Variants in TMEM132C observed in about 807,000 individuals in gnomAD.
TMEM132C encodes transmembrane protein 132C, also known as protein phosphatase 1, regulatory subunit 152.
TMEM132C carries 29 observed loss-of-function variants against 61.4 expected under a neutral mutation model. The ratio of observed to expected loss-of-function variants is 0.47; its 90% CI spans 0.35 to 0.64. TMEM132C has a LOEUF of 0.64. Ranked by LOEUF, TMEM132C falls within the 30% of genes least tolerant of loss-of-function variation. TMEM132C has a pLI of 0.00. For missense variants in TMEM132C, 1,408 were observed against 1,476.9 expected (o/e 0.95, Z 0.76); for synonymous variants, 656 against 633.1 (o/e 1.04, Z -0.54).
chr12:128,281,924 A>G (rs1030868740), intron 1 of TMEM132C, among the ~76,000 whole-genome samples: 4 of 152,182 alleles, frequency 2.6e-5, no homozygotes, highest in African/African-American at 9.7e-5. Flanking sequence ...CATTTCTTCC[A>G]TAAATAGTTC....
At chr12:128,667,998 C>G (rs1253069751) in intron 4 of TMEM132C, among the ~76,000 whole-genome samples, 3 of 152,196 alleles carry the variant, frequency 2.0e-5, no homozygotes, top group African/African-American at 7.2e-5. Flanking sequence ...AGGTGCCAAG[C>G]ACGGTGGCCC....
chr12:128,643,911 C>A (rs900516247), intron 4 of TMEM132C, among the ~76,000 whole-genome samples: 8 of 151,908 alleles, frequency 5.3e-5, no homozygotes, highest in African/African-American at 1.9e-4. Flanking sequence ...CAAAAAAAAG[C>A]AAGGTCTAAA....
chr12:128,308,764 C>CGG (rs1871871414), intron 1 of TMEM132C, among the ~76,000 whole-genome samples: 1 of 152,044 alleles, frequency 6.6e-6, no homozygotes, highest in Admixed American at 6.5e-5. Context: ...TGCACAAGGC[C>CGG]GGGGGTTTGC....
At chr12:128,597,075 C>A (rs182249690) in intron 3 of TMEM132C, among the ~76,000 whole-genome samples, 29 of 152,328 alleles carry the variant, frequency 1.9e-4, no homozygotes, top group African/African-American at 6.5e-4. Flanking sequence ...CCTCAATTTA[C>A]TTTTGCTTCT....
At position 128,381,564 on chromosome 12, in the gene TMEM132C, C is replaced by T. The variant is rs1317313008; in HGVS notation, c.86-33168C>T. On this transcript the variant is annotated intron_variant, in intron 1 of 8. Coordinates refer to ENST00000435159, the MANE Select transcript of TMEM132C (RefSeq NM_001136103.3). ...TATAACCGACCAGCAAACCTATGGA[C>T]GTGAGAGAGGAAGCCTGCTCAGTCC... Among the ~76,000 whole-genome samples, 7 of 152,222 alleles carry T rather than the reference C, an allele frequency of 4.6e-5. 1 individual carries two copies. The South Asian group carries it at 1.0e-3, about 23-fold the overall frequency.
intron 1 of TMEM132C, among the ~76,000 whole-genome samples, chr12:128,317,538 A>C (rs1297890395): frequency 6.6e-6 from 1 of 152,222 alleles, no homozygotes; most frequent in Non-Finnish European, 1.5e-5. Context: ...TTCCTTTTAC[A>C]TAATTCCCTT....
chr12:128,507,390 T>C (rs1872403211), intron 2 of TMEM132C, among the ~76,000 whole-genome samples: 1 of 139,320 alleles, frequency 7.2e-6, no homozygotes, highest in Non-Finnish European at 1.5e-5. Flanking sequence ...TTTTCTTTTT[T>C]TTTTTTTCTT....
chr12:128,677,161 T>C (rs1954596814), intron 5 of TMEM132C, among the ~76,000 whole-genome samples: 2 of 152,246 alleles, frequency 1.3e-5, no homozygotes. Context: ...TAAAGCTGTG[T>C]CTTGCTTGCA....
chr12:128,648,482 T>C (rs1374058799), intron 4 of TMEM132C, among the ~76,000 whole-genome samples: 3 of 150,212 alleles, frequency 2.0e-5, no homozygotes, highest in African/African-American at 4.9e-5. Flanking sequence ...TCCATCAGCA[T>C]TGGATATGAG....
intron 3 of TMEM132C, among the ~76,000 whole-genome samples, chr12:128,599,361 AC>A (rs1305004019): frequency 6.6e-6 from 1 of 152,196 alleles, no homozygotes; most frequent in East Asian, 1.9e-4. Context: ...AATAAGAAGT[AC>A]CCAGTGACCG....
intron 5 of TMEM132C, among the ~76,000 whole-genome samples, chr12:128,682,147 G>A (rs535334543): frequency 1.5e-3 from 221 of 152,258 alleles, no homozygotes; most frequent in African/African-American, 5.1e-3. Flanking sequence ...TTAGGCCATC[G>A]TCACATGATT....
intron 2 of TMEM132C, among the ~76,000 whole-genome samples, chr12:128,475,050 G>A (rs576405794): frequency 6.6e-6 from 1 of 152,294 alleles, no homozygotes; most frequent in Admixed American, 6.5e-5. Context: ...GAACGAGGCA[G>A]GGACGTGAGG....
chr12:128,375,744 G>T (rs567997997), intron 1 of TMEM132C, among the ~76,000 whole-genome samples: 2 of 152,122 alleles, frequency 1.3e-5, no homozygotes, highest in Non-Finnish European at 2.9e-5. Flanking sequence ...ACTCCCTAAG[G>T]CATGAAACCC....
chr12:128,477,156 C>T (rs1181386452), intron 2 of TMEM132C, among the ~76,000 whole-genome samples: 1 of 152,150 alleles, frequency 6.6e-6, no homozygotes, highest in Non-Finnish European at 1.5e-5. Context: ...GGGGAGGGAA[C>T]TGGTTGGCCG....
intron 3 of TMEM132C, among the ~76,000 whole-genome samples, chr12:128,565,489 C>T (rs1441962469): frequency 6.6e-6 from 1 of 152,208 alleles, no homozygotes; most frequent in Non-Finnish European, 1.5e-5. Flanking sequence ...CTTGTATAAA[C>T]TCTTGGTATT....
chr12:128,534,884 T>C (rs1026010715), intron 2 of TMEM132C, among the ~76,000 whole-genome samples: 4 of 152,220 alleles, frequency 2.6e-5, no homozygotes, highest in Admixed American at 6.5e-5. Flanking sequence ...GTGAGAATCC[T>C]CCTATGAACA....
chr12:128,519,505 A>G (rs1369052158), intron 2 of TMEM132C, among the ~76,000 whole-genome samples: 2 of 152,200 alleles, frequency 1.3e-5, no homozygotes, highest in Admixed American at 6.5e-5. Flanking sequence ...TTTACAAGGC[A>G]TGTGTCCAGG....
intron 1 of TMEM132C, among the ~76,000 whole-genome samples, chr12:128,310,321 T>C (rs1447878091): frequency 6.6e-6 from 1 of 152,188 alleles, no homozygotes; most frequent in East Asian, 1.9e-4. Flanking sequence ...TATTAGTCTG[T>C]TCTTGCATTG....
chr12:128,554,942 C>A (rs1455965774), intron 3 of TMEM132C, among the ~76,000 whole-genome samples: 1 of 152,008 alleles, frequency 6.6e-6, no homozygotes, highest in African/African-American at 2.4e-5. Flanking sequence ...TGTTCCCCAT[C>A]CGTTCTTGGA....
Sources: gnomAD v4.1 joint callset for allele counts (sites outside exome capture counted in the v4.1 genomes callset) on GRCh38, gnomAD v4.1.1 for gene constraint, MANE v1.5 for transcripts, NCBI Gene and HGNC (gene_info 2026-07-23, HGNC 2026-07-21) for gene names.